Variants in MRPL11 observed in about 807,000 individuals in gnomAD.
MRPL11 encodes mitochondrial ribosomal protein L11.
In MRPL11, 21 loss-of-function variants were observed where a neutral mutation model predicts 19.1. The ratio of observed to expected loss-of-function variants is 1.10; its 90% CI spans 0.78 to 1.58. The LOEUF is 1.58. Ranked by LOEUF, MRPL11 falls within the 40% of genes most tolerant of loss-of-function variation. The probability of loss-of-function intolerance (pLI) is 0.00; values close to 1 mark genes in which losing one functional copy is unlikely to be tolerated. For synonymous variants in MRPL11, 108 were observed against 99.7 expected (o/e 1.08, Z -0.49); for missense variants, 242 against 243.9 (o/e 0.99, Z 0.05).
intron 4 of MRPL11, among the ~76,000 whole-genome samples, chr11:66,436,556 G>C (rs1294806041): frequency 6.6e-6 from 1 of 152,070 alleles, no homozygotes; most frequent in Admixed American, 6.5e-5. Context: ...CATTCTTCTT[G>C]GGAAATAATC....
In MRPL11 at chr11:66,438,745, G is replaced by C. The variant is rs1322855477; in HGVS notation, c.10C>G (p.Leu4Val). 2.6e-6 allele frequency: 4 copies of C among 1,564,208 alleles called. No homozygotes were observed. The highest frequency in any genetic ancestry group is 3.5e-6 in the Non-Finnish European group (4 of 1,155,360). ...CTGAGGCCCCGGGCGGCCCGGCCGA[G>C]CTTTGACATGATGCGGGGCTGCTGG... Reference protein sequence around the residue: MSKLGRAARGLRKP... With the variant: MSKVGRAARGLRKP... The change falls in exon 1 of 5, where the codon CTC becomes GTC. Residue 4 changes from leucine (L) to valine (V), a missense_variant. Coordinates refer to ENST00000310999, the MANE Select transcript of MRPL11 (RefSeq NM_016050.5).
chr11:66,436,559 A>T (rs1203417760), intron 4 of MRPL11, among the ~76,000 whole-genome samples: 2 of 152,112 alleles, frequency 1.3e-5, no homozygotes, highest in Admixed American at 1.3e-4. Flanking sequence ...TCTTCTTGGG[A>T]AATAATCAAT....
intron 4 of MRPL11, chr11:66,436,710 G>C: frequency 2.5e-6 from 2 of 797,988 alleles, no homozygotes; most frequent in South Asian, 3.2e-5. Flanking sequence ...GAAGTCATCC[G>C]AAGCCCCATG....
chr11:66,436,154 A>C (rs1278188011), intron 4 of MRPL11, 42 bp from the exon 5 acceptor site: 16 of 1,554,964 alleles, frequency 1.0e-5, no homozygotes, highest in Non-Finnish European at 1.4e-5. Context: ...ATGATTGGTC[A>C]CCAGTGGGAG....
chr11:66,437,041 GCTC>G, intron 4 of MRPL11, 60 bp downstream of exon 4: 3 of 1,578,194 alleles, frequency 1.9e-6, no homozygotes, highest in Non-Finnish European at 2.6e-6. Context: ...GGCCCTCTCA[GCTC>G]TGCCCGAGTC....
intron 2 of MRPL11, 39 bp from the exon 3 acceptor site, chr11:66,437,482 C>T (rs766389993): frequency 1.9e-6 from 3 of 1,587,560 alleles, no homozygotes; most frequent in Non-Finnish European, 1.7e-6. Flanking sequence ...TCTCTTCCTA[C>T]TGCCCCATCC....
rs145756140 is a variant in MRPL11, at chr11:66,437,153, G to A, written c.424C>T (p.Arg142Cys). 2,767 of 1,614,208 alleles carry A rather than the reference G, an allele frequency of 1.7e-3. 7 individuals carry two copies. Among genetic ancestry groups the A allele is most frequent in the Middle Eastern group, 4.5e-3 (27 of 6,062 alleles). The change falls in exon 4 of 5, where the codon CGC becomes TGC. Residue 142 changes from arginine (R) to cysteine (C), a missense_variant. Coordinates refer to ENST00000310999, the MANE Select transcript of MRPL11 (RefSeq NM_016050.5). ...LQDVPLSSVV[R>C]SIIGSARSLG... ...GAACGGGCAGACCCGATGATGGAGC[G>A]GACAACAGACGACAGGGGTACATCC... is the stretch of plus-strand genomic sequence containing the variant.
Position 66,438,652 on chromosome 11 carries a change from G to A in MRPL11, c.103C>T (p.Leu35=). ...RAGLAMPGPP[L]GPVLGQRGVS... ...CGCACCTGACCCAGCACTGGGCCTA[G>A]TGGGGGCCCGGGCATGGCCAGGCCT... is the stretch of plus-strand genomic sequence containing the variant. The change falls in exon 1 of 5, where the codon CTA becomes TTA. Residue 35 remains leucine (L), a synonymous_variant. Transcript: ENST00000310999. The A allele has an allele frequency of 1.3e-6, 2 of 1,557,946 alleles. No homozygotes were observed. Among genetic ancestry groups the A allele is most frequent in the Non-Finnish European group, 1.7e-6 (2 of 1,149,916 alleles).
chr11:66,437,510 C>T, intron 2 of MRPL11, 67 bp from the exon 3 acceptor site: 5 of 1,417,138 alleles, frequency 3.5e-6, no homozygotes, highest in Non-Finnish European at 4.9e-6. Context: ...CTTCTAATGT[C>T]TTGCCCCCTG....
At chr11:66,436,267 T>C (rs1056572939) in intron 4 of MRPL11, among the ~76,000 whole-genome samples, 155 bp from the exon 5 acceptor site, 1 of 152,100 alleles carries the variant, frequency 6.6e-6, no homozygotes, top group African/African-American at 2.4e-5. Context: ...CTCCATACCT[T>C]TGCTCATTTC....
chr11:66,436,571 G>C (rs567085548), intron 4 of MRPL11, among the ~76,000 whole-genome samples: 28 of 152,168 alleles, frequency 1.8e-4, no homozygotes, highest in African/African-American at 6.7e-4. Context: ...ATAATCAATT[G>C]TCAGCCTTGA....
rs928292139 is a variant in MRPL11 at position 66,436,882 on chromosome 11, A to G, written c.473+222T>C. 6 of 1,614,142 alleles carry G rather than the reference A, an allele frequency of 3.7e-6. No individual in the cohort carries two copies. In the East Asian group the frequency reaches 1.1e-4, roughly 30 times the overall value. On this transcript the variant is annotated intron_variant, in intron 4 of 4. Coordinates refer to ENST00000310999, the MANE Select transcript of MRPL11 (RefSeq NM_016050.5). ...TTGGATCCTTCATGGAGATCTTTCC[A>G]TTTCTTAGAACATTTGCAGAACAAC...
At position 66,438,739 on chromosome 11, in the gene MRPL11, G is replaced by C. The variant is rs746031563; in HGVS notation, c.16C>G (p.Arg6Gly). The change falls in exon 1 of 5, where the codon CGG becomes GGG. Residue 6 changes from arginine (R) to glycine (G), a missense_variant. Physicochemically the swap from Arg to Gly is moderately radical, Grantham distance 125. Transcript: ENST00000310999. ...GGCTTCCTGAGGCCCCGGGCGGCCC[G>C]GCCGAGCTTTGACATGATGCGGGGC... MSKLG[R>G]AARGLRKPEV... 7.6e-6 allele frequency: 12 copies of C among 1,568,716 alleles called. No homozygotes were observed. Among genetic ancestry groups the C allele is most frequent in the Middle Eastern group, 3.4e-4 (2 of 5,886 alleles).
In MRPL11 at chr11:66,435,979, T is replaced by G; in HGVS notation, c.*28A>C. ...GCACAGCTTTTGCAACTACCTCCTT[T>G]GAAATCTGGGAGTTGGTGGGGCAAG... On this transcript the variant is annotated 3_prime_UTR_variant, in exon 5 of 5. Coordinates refer to ENST00000310999, the MANE Select transcript of MRPL11 (RefSeq NM_016050.5). 2.3e-5 allele frequency: 37 copies of G among 1,581,074 alleles called. No homozygotes were observed. Among genetic ancestry groups the G allele is most frequent in the Non-Finnish European group, 3.0e-5 (35 of 1,151,666 alleles).
At chr11:66,437,656 T>C (rs370105233) in intron 2 of MRPL11, among the ~76,000 whole-genome samples, 3 of 152,258 alleles carry the variant, frequency 2.0e-5, no homozygotes, top group African/African-American at 7.2e-5. Flanking sequence ...GTGGATCACC[T>C]GAGGTCAGGA....
rs531737007 is a variant in MRPL11, at chr11:66,435,862, T to C, written c.*145A>G. The C allele has an allele frequency of 4.5e-4, 290 of 638,884 alleles. No homozygotes were observed. The highest frequency in any genetic ancestry group is 7.3e-4 in the Non-Finnish European group (257 of 354,210). The allele number at this position is 638,884 out of a possible 1,614,324, so 39.6% of individuals were successfully genotyped here. A position where few individuals can be genotyped will look rare whatever the true frequency, so the allele number is the denominator to read the frequency against. ...GTAAGAAAGGATGTTTATTCAGGCC[T>C]GATGCCTCGATACAGCTAGATGTAC... On this transcript the variant is annotated 3_prime_UTR_variant, in exon 5 of 5. Transcript: ENST00000310999.
Position 66,437,451 on chromosome 11 carries a change from G to T in MRPL11, c.220-8C>A. 6 of 1,613,322 alleles carry T rather than the reference G, an allele frequency of 3.7e-6. No homozygotes were observed. Among genetic ancestry groups the T allele is most frequent in the Non-Finnish European group, 5.1e-6 (6 of 1,179,392 alleles). Reference sequence around the variant, plus strand: ...TTCAAATGTCCTGTCAGGCTTAACAGAAAAAAGAAATATGAGATTCTCTCT... The same window carrying T: ...TTCAAATGTCCTGTCAGGCTTAACATAAAAAAGAAATATGAGATTCTCTCT... On this transcript the variant is annotated splice_region_variant and splice_polypyrimidine_tract_variant and intron_variant, in intron 2 of 4. Coordinates refer to ENST00000310999, the MANE Select transcript of MRPL11 (RefSeq NM_016050.5).
In MRPL11 at chr11:66,438,661, C is replaced by A. The variant is rs759516886; in HGVS notation, c.94G>T (p.Gly32Trp). The change falls in exon 1 of 5, where the codon GGG becomes TGG. Residue 32 changes from glycine (G) to tryptophan (W), a missense_variant. Transcript: ENST00000310999. ...CCCAGCACTGGGCCTAGTGGGGGCC[C>A]GGGCATGGCCAGGCCTGCCCGCACG... ...AIVRAGLAMP[G>W]PPLGPVLGQR... 1.7e-5 allele frequency: 26 copies of A among 1,561,296 alleles called. 1 individual carries two copies. The Admixed American group carries it at 4.3e-4, about 26-fold the overall frequency.
At position 66,435,755 on chromosome 11, in the gene MRPL11, CA is replaced by C. The variant is rs908031402; in HGVS notation, c.*251del. 25 of 397,174 alleles carry C rather than the reference CA, an allele frequency of 6.3e-5. No homozygotes were observed. Among genetic ancestry groups the C allele is most frequent in the African/African-American group, 4.2e-4 (21 of 49,768 alleles). The allele number at this position is 397,174 out of a possible 1,614,324, so 24.6% of individuals were successfully genotyped here. On this transcript the variant is annotated 3_prime_UTR_variant, in exon 5 of 5. Transcript: ENST00000310999. ...CATCTGAGAAGCAGTATGAAGACCC[CA>C]ATTTCCTAATGTCTGCCCATATTGG...
Sources: allele counts gnomAD v4.1 joint callset (sites outside exome capture counted in the v4.1 genomes callset), GRCh38; gene constraint gnomAD v4.1.1; transcripts MANE v1.5; gene names NCBI Gene and HGNC (gene_info 2026-07-23, HGNC 2026-07-21).